C8orf34: variants seen among roughly 807,000 people sequenced by gnomAD.
C8orf34 encodes the protein uncharacterized protein C8orf34.
Under a neutral mutation model 68.3 loss-of-function variants are expected in C8orf34, and 65 were observed. The ratio of observed to expected loss-of-function variants is 0.95; its 90% CI spans 0.78 to 1.17. C8orf34 has a LOEUF of 1.17. Ranked by LOEUF, C8orf34 falls within the 50% of genes most tolerant of loss-of-function variation. The pLI is 0.00. For missense variants in C8orf34, 664 were observed against 655.4 expected (o/e 1.01, Z -0.14); for synonymous variants, 244 against 241.2 (o/e 1.01, Z -0.11).
intron 8 of C8orf34, among the ~76,000 whole-genome samples, chr8:68,695,438 C>A (rs780341620): frequency 6.6e-6 from 1 of 152,104 alleles, no homozygotes; most frequent in Non-Finnish European, 1.5e-5. Context: ...CATGGGCCAC[C>A]CCACCCAGCC....
At chr8:68,716,956 T>C (rs1481588311) in intron 9 of C8orf34, among the ~76,000 whole-genome samples, 1 of 151,684 alleles carries the variant, frequency 6.6e-6, no homozygotes, top group African/African-American at 2.4e-5. Context: ...CCCCTGTATG[T>C]AGTTGAAAGG....
In C8orf34 at chr8:68,468,715, A is replaced by G; in HGVS notation, c.631A>G (p.Lys211Glu). 1 of 1,612,784 alleles carries G rather than the reference A, an allele frequency of 6.2e-7. No homozygotes were observed. The highest frequency in any genetic ancestry group is 8.5e-7 in the Non-Finnish European group (1 of 1,179,256). ...AGTGCCAAGGTCAGTAGAGCATCCA[A>G]AGTGGAACTGGAGGACTAAACCACA... is the stretch of plus-strand genomic sequence containing the variant. ...KSLPRSVEHP[K>E]WNWRTKPQSR... Residue 211 changes from lysine (K) to glutamate (E), a missense_variant, in exon 4 of 14, where the codon AAG (lysine) becomes GAG (glutamate). Lys to Glu is a moderately conservative substitution (Grantham distance 56, BLOSUM62 1). Transcript: ENST00000518698.
chr8:68,439,753 G>T lies in C8orf34; in HGVS notation c.475+107G>T, dbSNP rs1810821049. The T allele has an allele frequency of 2.0e-5, 22 of 1,074,750 alleles. 1 individual carries two copies. Among genetic ancestry groups the T allele is most frequent in the Middle Eastern group, 2.2e-4 (1 of 4,556 alleles). The allele number at this position is 1,074,750 out of a possible 1,614,324, so 66.6% of individuals were successfully genotyped here. On this transcript the variant is annotated intron_variant, in intron 2 of 13. Transcript: ENST00000518698. The stretch of plus-strand genomic sequence containing the variant: ...AAATCTAGATAGATAGTTACCAAAG[G>T]TTTCATGTGTTCATCTCTGACCTTA...
chr8:68,416,722 G>A (rs1809685712), intron 1 of C8orf34, among the ~76,000 whole-genome samples: 1 of 151,750 alleles, frequency 6.6e-6, no homozygotes, highest in Non-Finnish European at 1.5e-5. Flanking sequence ...GTAGAGGTGG[G>A]GTTTCACCAT....
At chr8:68,405,211 G>A (rs1247403296) in intron 1 of C8orf34, among the ~76,000 whole-genome samples, 1 of 152,032 alleles carries the variant, frequency 6.6e-6, no homozygotes, top group African/African-American at 2.4e-5. Flanking sequence ...CTTAGATTTA[G>A]CATTTTTGGC....
chr8:68,379,584 C>A (rs1807945724), intron 1 of C8orf34, among the ~76,000 whole-genome samples: 1 of 152,146 alleles, frequency 6.6e-6, no homozygotes, highest in South Asian at 2.1e-4. Flanking sequence ...ACAACTTCAT[C>A]TCTCATTCCT....
At chr8:68,558,808 C>T (rs1816333956) in intron 7 of C8orf34, among the ~76,000 whole-genome samples, 1 of 152,014 alleles carries the variant, frequency 6.6e-6, no homozygotes, top group Non-Finnish European at 1.5e-5. Flanking sequence ...TAGGAAAATA[C>T]AGAGCCAAAT....
intron 4 of C8orf34, among the ~76,000 whole-genome samples, chr8:68,483,364 A>G (rs1214125315): frequency 6.6e-6 from 1 of 152,208 alleles, no homozygotes; most frequent in Non-Finnish European, 1.5e-5. Flanking sequence ...TTTAGAAAGA[A>G]ACATTTAATA....
Position 68,589,336 on chromosome 8 carries a change from G to A in C8orf34, c.1106-51040G>A, listed in dbSNP as rs145491254. Among the ~76,000 whole-genome samples the A allele has an allele frequency of 4.3e-3, 645 of 151,324 alleles. 6 individuals are homozygous for A. Among genetic ancestry groups the A allele is most frequent in the African/African-American group, 0.015 (619 of 41,200 alleles). On this transcript the variant is annotated intron_variant, in intron 7 of 13. Transcript: ENST00000518698. The stretch of plus-strand genomic sequence containing the variant: ...TATTTGTTTATATTAAGGATACTAA[G>A]ATTAATATAGTAAGAATACAGAGAA...
intron 7 of C8orf34, among the ~76,000 whole-genome samples, chr8:68,627,211 C>T (rs1818562231): frequency 6.6e-6 from 1 of 152,108 alleles, no homozygotes; most frequent in Non-Finnish European, 1.5e-5. Context: ...GAACGTTCTG[C>T]CTGACTTTCC....
intron 1 of C8orf34, among the ~76,000 whole-genome samples, chr8:68,391,913 G>C (rs1808494742): frequency 6.6e-6 from 1 of 152,110 alleles, no homozygotes; most frequent in Admixed American, 6.5e-5. Context: ...TAAGGAACTG[G>C]GAAAATGCAA....
intron 8 of C8orf34, among the ~76,000 whole-genome samples, chr8:68,682,635 G>T (rs1563606708): frequency 6.6e-6 from 1 of 152,054 alleles, no homozygotes; most frequent in African/African-American, 2.4e-5. Flanking sequence ...GACCTCTTAC[G>T]ATCTTATTTT....
At chr8:68,340,508 A>G (rs1806025500) in intron 1 of C8orf34, among the ~76,000 whole-genome samples, 1 of 152,190 alleles carries the variant, frequency 6.6e-6, no homozygotes, top group Non-Finnish European at 1.5e-5. Context: ...AGAGATCACT[A>G]TGGACTGCAG....
At chr8:68,710,804 C>A (rs1016923920) in intron 9 of C8orf34, among the ~76,000 whole-genome samples, 1 of 152,104 alleles carries the variant, frequency 6.6e-6, no homozygotes, top group Non-Finnish European at 1.5e-5. Flanking sequence ...AAGTTTGCAT[C>A]CTCATAGGGC....
intron 7 of C8orf34, among the ~76,000 whole-genome samples, chr8:68,621,021 C>T (rs1245058639): frequency 6.6e-6 from 1 of 152,124 alleles, no homozygotes; most frequent in Non-Finnish European, 1.5e-5. Context: ...GATGTGGGAA[C>T]ACCAATATAT....
intron 7 of C8orf34, among the ~76,000 whole-genome samples, chr8:68,630,935 A>G (rs1585642000): frequency 7.3e-6 from 1 of 136,102 alleles, no homozygotes; most frequent in Non-Finnish European, 1.5e-5. Flanking sequence ...ATGCCCCAAC[A>G]TGCCCAGCTA....
intron 7 of C8orf34, among the ~76,000 whole-genome samples, chr8:68,610,320 T>C (rs369210084): frequency 4.6e-5 from 7 of 152,258 alleles, no homozygotes; most frequent in African/African-American, 1.7e-4. Flanking sequence ...GTACTGTTTG[T>C]GGCACTACAT....
intron 7 of C8orf34, among the ~76,000 whole-genome samples, chr8:68,609,172 T>TCAAACAAA (rs10656144): frequency 3.6e-4 from 54 of 151,298 alleles, no homozygotes; most frequent in Middle Eastern, 3.4e-3. Context: ...AGATTCCATC[T>TCAAACAAA]CAAACAAACA....
At chr8:68,353,508 G>A (rs528420992) in intron 1 of C8orf34, among the ~76,000 whole-genome samples, 213 of 150,290 alleles carry the variant, frequency 1.4e-3, no homozygotes, top group Non-Finnish European at 1.5e-3. Flanking sequence ...TGTATTGTGT[G>A]TATATATATG....
Sources: gnomAD v4.1 joint callset for allele counts (sites outside exome capture counted in the v4.1 genomes callset) on GRCh38, gnomAD v4.1.1 for gene constraint, MANE v1.5 for transcripts, NCBI Gene and HGNC (gene_info 2026-07-23, HGNC 2026-07-21) for gene names.